The following FRMD4B variants were observed in gnomAD, a reference collection of about 807,000 sequenced individuals.
FRMD4B encodes FERM domain containing 4B, also known as FERM domain-containing protein 4B.
FRMD4B carries 74 observed loss-of-function variants against 141.5 expected under a neutral mutation model. The ratio of observed to expected loss-of-function variants is 0.52; its 90% CI spans 0.43 to 0.63. FRMD4B has a LOEUF of 0.63. Ranked by LOEUF, FRMD4B falls within the 30% of genes least tolerant of loss-of-function variation. The probability of loss-of-function intolerance (pLI) is 0.00; values close to 1 mark genes in which losing one functional copy is unlikely to be tolerated. For synonymous variants in FRMD4B, 506 were observed against 467.9 expected (o/e 1.08, Z -1.05); for missense variants, 1,366 against 1,253.4 (o/e 1.09, Z -1.36).
intron 5 of FRMD4B, among the ~76,000 whole-genome samples, chr3:69,266,458 T>G (rs2093562752): frequency 6.6e-6 from 1 of 152,124 alleles, no homozygotes; most frequent in African/African-American, 2.4e-5. Flanking sequence ...CCTAAGCAGC[T>G]GGGATTACAG....
intron 7 of FRMD4B, among the ~76,000 whole-genome samples, 166 bp downstream of exon 7, chr3:69,249,060 A>G (rs1271112272): frequency 8.5e-5 from 13 of 152,208 alleles, no homozygotes; most frequent in Admixed American, 8.5e-4. Context: ...TCCCTGATTC[A>G]TTCACAAAAA....
intron 11 of FRMD4B, among the ~76,000 whole-genome samples, chr3:69,205,262 C>T (rs941551325): frequency 1.3e-5 from 2 of 151,418 alleles, no homozygotes; most frequent in South Asian, 2.1e-4. Flanking sequence ...CTCGACTTCT[C>T]GGGCTCGCGA....
chr3:69,307,261 C>T (rs1195173606), intron 3 of FRMD4B, among the ~76,000 whole-genome samples: 7 of 152,170 alleles, frequency 4.6e-5, no homozygotes, highest in Non-Finnish European at 1.0e-4. Context: ...AACCATTCTT[C>T]TCCCAGCGTA....
chr3:69,243,360 G>C (rs909117333), intron 7 of FRMD4B, among the ~76,000 whole-genome samples: 1 of 152,214 alleles, frequency 6.6e-6, no homozygotes, highest in East Asian at 1.9e-4. Flanking sequence ...ACAAAGCCAT[G>C]AAGGCAGATA....
chr3:69,444,693 C>T (rs908054786), intron 1 of FRMD4B, among the ~76,000 whole-genome samples: 1 of 152,146 alleles, frequency 6.6e-6, no homozygotes, highest in African/African-American at 2.4e-5. Context: ...CCCATTATTA[C>T]TCAAACAGGA....
At chr3:69,407,663 T>C (rs1238574970) in intron 2 of FRMD4B, among the ~76,000 whole-genome samples, 1 of 152,230 alleles carries the variant, frequency 6.6e-6, no homozygotes, top group Non-Finnish European at 1.5e-5. Context: ...AGTTTTCCAC[T>C]TGAATGCCAA....
chr3:69,475,252 A>T (rs1183365503), intron 1 of FRMD4B, among the ~76,000 whole-genome samples: 1 of 151,832 alleles, frequency 6.6e-6, no homozygotes, highest in Non-Finnish European at 1.5e-5. Flanking sequence ...CATGTGCGAA[A>T]TGTGCAGGTT....
At chr3:69,269,837 C>G (rs996530148) in intron 5 of FRMD4B, among the ~76,000 whole-genome samples, 1 of 152,134 alleles carries the variant, frequency 6.6e-6, no homozygotes, top group South Asian at 2.1e-4. Flanking sequence ...CCAGCCTGGT[C>G]TTGAACTCCT....
chr3:69,293,110 T>G (rs1700926036), intron 4 of FRMD4B: 1 of 407,032 alleles, frequency 2.5e-6, no homozygotes, highest in Non-Finnish European at 4.9e-6. Context: ...GACAGAACAT[T>G]ACACCACTGT....
At position 69,449,594 on chromosome 3, in the gene FRMD4B, G is replaced by A. The variant is rs974610231; in HGVS notation, c.-128-16833C>T. 5.9e-5 allele frequency among the ~76,000 whole-genome samples: 9 copies of A among 152,160 alleles called. No homozygotes were observed. The South Asian group carries it at 1.9e-3, about 32-fold the overall frequency. On this transcript the variant is annotated intron_variant, in intron 1 of 5. Transcript: ENST00000459638. ...TCCAGTCCTATGATCACATTTTCTG[G>A]ACAAGGAACCAAGGCCCAGACAAGT...
At chr3:69,400,629 T>C (rs1177271194) in intron 2 of FRMD4B, among the ~76,000 whole-genome samples, 1 of 152,130 alleles carries the variant, frequency 6.6e-6, no homozygotes. Flanking sequence ...GTGAGATATT[T>C]CTGTATGCTG....
At chr3:69,231,350 C>G (rs2093304095) in intron 7 of FRMD4B, among the ~76,000 whole-genome samples, 1 of 152,112 alleles carries the variant, frequency 6.6e-6, no homozygotes, top group Non-Finnish European at 1.5e-5. Context: ...TGCAGTGGCA[C>G]CATCTTGGCT....
chr3:69,382,958 C>T (rs1407377553), intron 1 of FRMD4B, among the ~76,000 whole-genome samples: 1 of 152,090 alleles, frequency 6.6e-6, no homozygotes, highest in African/African-American at 2.4e-5. Flanking sequence ...AAAGTCATTT[C>T]TTTTTACTCT....
chr3:69,375,547 G>A (rs1703950752), intron 1 of FRMD4B, among the ~76,000 whole-genome samples: 1 of 152,104 alleles, frequency 6.6e-6, no homozygotes, highest in African/African-American at 2.4e-5. Flanking sequence ...TTTGAATTCA[G>A]GCGGTTTGAG....
chr3:69,467,293 G>C (rs1705808328), intron 1 of FRMD4B, among the ~76,000 whole-genome samples: 1 of 152,184 alleles, frequency 6.6e-6, no homozygotes, highest in East Asian at 1.9e-4. Flanking sequence ...AAGCACTTGT[G>C]ACTTATTAAG....
At chr3:69,519,823 CG>C (rs1187189350) in intron 1 of FRMD4B, among the ~76,000 whole-genome samples, 1 of 151,620 alleles carries the variant, frequency 6.6e-6, no homozygotes, top group Non-Finnish European at 1.5e-5. Flanking sequence ...CAAAGTCTAC[CG>C]TATAATTCTT....
chr3:69,448,897 C>G (rs1302132482), intron 1 of FRMD4B, among the ~76,000 whole-genome samples: 2 of 152,082 alleles, frequency 1.3e-5, no homozygotes, highest in Non-Finnish European at 2.9e-5. Context: ...ATGTAATGCT[C>G]TAACAAACTG....
At chr3:69,437,934 T>C (rs1575802467) in intron 1 of FRMD4B, among the ~76,000 whole-genome samples, 4 of 134,844 alleles carry the variant, frequency 3.0e-5, no homozygotes, top group Non-Finnish European at 4.6e-5. Context: ...ATATTATATA[T>C]ACTATATAAC....
At chr3:69,510,399 C>A (rs1706669816) in intron 1 of FRMD4B, among the ~76,000 whole-genome samples, 1 of 152,140 alleles carries the variant, frequency 6.6e-6, no homozygotes, top group Admixed American at 6.5e-5. Context: ...TTTTATTCTT[C>A]TCCTTGATAA....
Sources: allele counts gnomAD v4.1 joint callset (sites outside exome capture counted in the v4.1 genomes callset), GRCh38; gene constraint gnomAD v4.1.1; transcripts MANE v1.5; gene names NCBI Gene and HGNC (gene_info 2026-07-23, HGNC 2026-07-21).